The following TBC1D9 variants were observed in gnomAD, a reference collection of about 807,000 sequenced individuals.
TBC1D9 encodes TBC1 domain family member 9A.
Under a neutral mutation model 132.0 loss-of-function variants are expected in TBC1D9, and 63 were observed. That is an observed-to-expected ratio of 0.48 (90% CI 0.39 to 0.59). The LOEUF (loss-of-function observed/expected upper bound fraction) is 0.59. Among genes scored for constraint, TBC1D9 ranks in the 20% least tolerant of loss-of-function variants. The pLI, the probability that TBC1D9 is intolerant of heterozygous loss-of-function variation, is 0.00. For missense variants in TBC1D9, 1,261 were observed against 1,592.7 expected, an observed-to-expected ratio of 0.79 and a Z score of 3.54; for synonymous variants, 610 against 609.9, an observed-to-expected ratio of 1.00 and a Z score of 0.00.
At chr4:140,692,901 T>A (rs1737898552) in intron 2 of TBC1D9, among the ~76,000 whole-genome samples, 1 of 151,926 alleles carries the variant, frequency 6.6e-6, no homozygotes, top group Non-Finnish European at 1.5e-5. Flanking sequence ...GTGCCTGTAG[T>A]CCCAGCTACT....
intron 1 of TBC1D9, among the ~76,000 whole-genome samples, chr4:140,709,438 G>GT (rs1738205281): frequency 6.7e-6 from 1 of 150,236 alleles, no homozygotes; most frequent in Non-Finnish European, 1.5e-5. Context: ...GTTTTTCTTT[G>GT]TTTTTTAGTT....
chr4:140,713,758 A>AAC (rs1009259453), intron 1 of TBC1D9, among the ~76,000 whole-genome samples: 9 of 150,684 alleles, frequency 6.0e-5, no homozygotes, highest in Non-Finnish European at 8.9e-5. Context: ...TTAAAAAAAA[A>AAC]AAACTATATT....
intron 2 of TBC1D9, among the ~76,000 whole-genome samples, chr4:140,700,025 A>C (rs910800267): frequency 1.3e-5 from 2 of 152,190 alleles, no homozygotes; most frequent in Non-Finnish European, 2.9e-5. Flanking sequence ...GGCCAATTGC[A>C]GTGGCTCATG....
chr4:140,654,604 G>T (rs1370377551), intron 13 of TBC1D9, among the ~76,000 whole-genome samples: 4 of 152,092 alleles, frequency 2.6e-5, no homozygotes, highest in Admixed American at 2.0e-4. Flanking sequence ...CTTTAGAAAA[G>T]CAACCCACAG....
At chr4:140,642,769 C>CA in intron 13 of TBC1D9, 1 of 642,874 alleles carries the variant, frequency 1.6e-6, no homozygotes, top group Non-Finnish European at 2.8e-6. Flanking sequence ...CTGATGTCGG[C>CA]AGAGATTTGC....
chr4:140,689,234 C>T (rs1163082438), intron 2 of TBC1D9, among the ~76,000 whole-genome samples: 3 of 152,148 alleles, frequency 2.0e-5, no homozygotes, highest in Admixed American at 6.5e-5. Context: ...GGTATCTCAC[C>T]ATGCTCTGCC....
chr4:140,624,903 T>A (rs1360431928), intron 18 of TBC1D9, among the ~76,000 whole-genome samples: 2 of 152,020 alleles, frequency 1.3e-5, no homozygotes, highest in Non-Finnish European at 2.9e-5. Flanking sequence ...AATAGAAAAA[T>A]TAGCCGGATG....
At chr4:140,664,832 G>T (rs1490913076) in intron 9 of TBC1D9, among the ~76,000 whole-genome samples, 3 of 152,070 alleles carry the variant, frequency 2.0e-5, no homozygotes, top group Admixed American at 1.3e-4. Context: ...CTCAAGGCCG[G>T]GTGCAGTGGC....
intron 13 of TBC1D9, chr4:140,645,461 G>T (rs1578822249): frequency 2.4e-6 from 1 of 408,560 alleles, no homozygotes; most frequent in East Asian, 7.0e-5. Flanking sequence ...TCAGCTGCGG[G>T]CCCCTGCCCA....
At chr4:140,737,261 T>G (rs995985428) in intron 1 of TBC1D9, among the ~76,000 whole-genome samples, 1 of 151,992 alleles carries the variant, frequency 6.6e-6, no homozygotes, top group African/African-American at 2.4e-5. Flanking sequence ...AGAATCCTAG[T>G]GAGGGGCCCC....
chr4:140,660,245 T>G (rs1737336446), intron 10 of TBC1D9, among the ~76,000 whole-genome samples: 1 of 152,182 alleles, frequency 6.6e-6, no homozygotes, highest in Non-Finnish European at 1.5e-5. Flanking sequence ...TGAGAGTGAT[T>G]TAAATTCTAA....
rs35283552 is a variant in TBC1D9, at chr4:140,729,818, C to CAAAAA, written c.130+26093_130+26097dup. ...CTGGTGACAGAGCAAGATTCCATCT[C>CAAAAA]AAAAAAAAAAAAAAAAAAAAAAAAA... On this transcript the variant is annotated intron_variant, in intron 1 of 20. Transcript: ENST00000442267. 6.2e-3 allele frequency among the ~76,000 whole-genome samples: 321 copies of CAAAAA among 51,872 alleles called. 38 individuals are homozygous for CAAAAA. The highest frequency in any genetic ancestry group is 0.014 in the South Asian group (10 of 732). 34.0% of individuals were successfully genotyped at this position (51,872 alleles called of 152,430 possible). A position where few individuals can be genotyped will look rare whatever the true frequency, so the allele number is the denominator to read the frequency against.
intron 13 of TBC1D9, chr4:140,644,018 G>T: frequency 2.0e-6 from 1 of 500,222 alleles, no homozygotes. Flanking sequence ...GGATCTTGGA[G>T]GGGGACAGGA....
chr4:140,696,025 A>G (rs2046627), intron 2 of TBC1D9, among the ~76,000 whole-genome samples: 133,518 of 152,250 alleles, frequency 0.88, 58,714 homozygotes, highest in African/African-American at 0.93. Context: ...AATAAAAACC[A>G]CATTTTGGGT....
intron 6 of TBC1D9, among the ~76,000 whole-genome samples, chr4:140,675,234 A>AC (rs36070819): frequency 0.69 from 104,668 of 151,884 alleles, 36,246 homozygotes; most frequent in African/African-American, 0.75. Context: ...ATTTGTCTGT[A>AC]TTTTACAAAT....
chr4:140,698,298 T>C (rs968082642), intron 2 of TBC1D9, among the ~76,000 whole-genome samples: 2 of 152,224 alleles, frequency 1.3e-5, no homozygotes, highest in African/African-American at 2.4e-5. Flanking sequence ...CTTAATCCTT[T>C]ATCACCTTCC....
Position 140,660,424 on chromosome 4 carries a change from G to A in TBC1D9, c.1804-719C>T, listed in dbSNP as rs150716773. ...TACTTCTTTTGATCTCCCAGAAACC[G>A]GTAACTGTTCATCAGGCTTCTACAA... On this transcript the variant is annotated intron_variant, in intron 10 of 20. Transcript: ENST00000442267. Among the ~76,000 whole-genome samples the A allele has an allele frequency of 3.0e-3, 461 of 152,274 alleles. 2 individuals carry two copies. Among genetic ancestry groups the A allele is most frequent in the African/African-American group, 0.01 (427 of 41,550 alleles).
intron 15 of TBC1D9, among the ~76,000 whole-genome samples, chr4:140,638,388 T>C (rs1181858465): frequency 6.6e-6 from 1 of 151,742 alleles, no homozygotes; most frequent in East Asian, 1.9e-4. Flanking sequence ...AGAATCAAGA[T>C]TGGGGCCAGG....
intron 1 of TBC1D9, among the ~76,000 whole-genome samples, chr4:140,715,572 G>A (rs1442801692): frequency 6.6e-6 from 1 of 152,166 alleles, no homozygotes; most frequent in Non-Finnish European, 1.5e-5. Context: ...ACTATAGCAA[G>A]TTATATAAGA....
Sources: allele counts gnomAD v4.1 joint callset (sites outside exome capture counted in the v4.1 genomes callset), GRCh38; gene constraint gnomAD v4.1.1; transcripts MANE v1.5; gene names NCBI Gene and HGNC (gene_info 2026-07-23, HGNC 2026-07-21).